Variants in CCBE1 observed in about 807,000 individuals in gnomAD.
CCBE1 encodes collagen and calcium binding EGF domains 1.
Under a neutral mutation model 50.0 loss-of-function variants are expected in CCBE1, and 37 were observed. The ratio of observed to expected loss-of-function variants is 0.74; its 90% confidence interval spans 0.57 to 0.97. The LOEUF is 0.97. CCBE1 is among the 50% of genes least tolerant of loss of function. The probability of loss-of-function intolerance (pLI) is 0.00; values close to 1 mark genes in which losing one functional copy is unlikely to be tolerated. For synonymous variants in CCBE1, 234 were observed against 203.7 expected (o/e 1.15, Z -1.27); for missense variants, 538 against 523.8 (o/e 1.03, Z -0.26).
chr18:59,526,722 T>C (rs1914837946), intron 2 of CCBE1, among the ~76,000 whole-genome samples: 2 of 152,202 alleles, frequency 1.3e-5, no homozygotes, highest in Non-Finnish European at 1.5e-5. Context: ...TTGTTCTCAT[T>C]GGTTTCAAAG....
At chr18:59,589,168 T>G (rs1250286287) in intron 2 of CCBE1, among the ~76,000 whole-genome samples, 1 of 152,164 alleles carries the variant, frequency 6.6e-6, no homozygotes, top group East Asian at 1.9e-4. Flanking sequence ...CTGGTCTCTA[T>G]CTCAGCCTTA....
intron 2 of CCBE1, among the ~76,000 whole-genome samples, chr18:59,608,969 C>T (rs1051495193): frequency 1.8e-4 from 27 of 152,234 alleles, no homozygotes; most frequent in African/African-American, 6.5e-4. Flanking sequence ...CACAGCTCTC[C>T]TGAAGGTCAC....
intron 2 of CCBE1, among the ~76,000 whole-genome samples, chr18:59,571,833 C>T (rs1431298145): frequency 6.6e-6 from 1 of 152,198 alleles, no homozygotes; most frequent in Non-Finnish European, 1.5e-5. Flanking sequence ...TGCAAGTTCT[C>T]AGGCCTCACC....
At chr18:59,639,824 C>G (rs1436518360) in intron 2 of CCBE1, among the ~76,000 whole-genome samples, 1 of 152,170 alleles carries the variant, frequency 6.6e-6, no homozygotes, top group Non-Finnish European at 1.5e-5. Context: ...GTATGAAAAT[C>G]AGTAGCGTTC....
chr18:59,511,623 T>C (rs1598965899), intron 2 of CCBE1, among the ~76,000 whole-genome samples: 1 of 152,270 alleles, frequency 6.6e-6, no homozygotes, highest in Non-Finnish European at 1.5e-5. Flanking sequence ...ATTCAAATTA[T>C]TCTGTTCTAG....
chr18:59,678,806 T>C (rs1442416083), intron 2 of CCBE1, among the ~76,000 whole-genome samples: 1 of 152,184 alleles, frequency 6.6e-6, no homozygotes, highest in Admixed American at 6.5e-5. Flanking sequence ...GTGCTGAGGT[T>C]ACAGGCATGA....
Position 59,573,377 on chromosome 18 carries a change from T to TCCTA in CCBE1, c.213-93143_213-93140dup, listed in dbSNP as rs1267326450. On this transcript the variant is annotated intron_variant, in intron 2 of 10. Coordinates refer to ENST00000439986, the MANE Select transcript of CCBE1 (RefSeq NM_133459.4). ...ACACTGAGGCTTACTGAGGAAAAAC[T>TCCTA]CCTACCTCCAGACGGCAACACAAAA... Among the ~76,000 whole-genome samples, 11 of 148,928 alleles carry TCCTA rather than the reference T, an allele frequency of 7.4e-5. No individual in the cohort carries two copies. The East Asian group carries it at 2.2e-3, about 30-fold the overall frequency.
In CCBE1 at chr18:59,652,691, G is replaced by GC. The variant is rs771835873; in HGVS notation, c.212+43937dup. On this transcript the variant is annotated intron_variant, in intron 2 of 10. Coordinates refer to ENST00000439986, the MANE Select transcript of CCBE1 (RefSeq NM_133459.4). ...CTAAAGAAAGGATTTTCGGCCGGGC[G>GC]CAGTGGCTCCCGCCTGTAATCCCAG... Among the ~76,000 whole-genome samples, 7 of 152,214 alleles carry GC rather than the reference G, an allele frequency of 4.6e-5. No homozygotes were observed. The East Asian group carries it at 5.8e-4, about 13-fold the overall frequency.
chr18:59,565,988 G>A (rs2052819763), intron 2 of CCBE1, among the ~76,000 whole-genome samples: 1 of 152,120 alleles, frequency 6.6e-6, no homozygotes. Flanking sequence ...TCTGACCTTG[G>A]AGACCCAAAA....
intron 2 of CCBE1, among the ~76,000 whole-genome samples, chr18:59,576,932 C>T (rs1318248658): frequency 6.6e-6 from 1 of 152,208 alleles, no homozygotes; most frequent in Non-Finnish European, 1.5e-5. Flanking sequence ...CTCCCTAATC[C>T]CTTCTCTCTC....
rs1277728125 is a variant in CCBE1 at position 59,439,722 on chromosome 18, T to C, written c.870A>G (p.Pro290=). 1 of 1,614,122 alleles carries C rather than the reference T, an allele frequency of 6.2e-7. No individual in the cohort carries two copies. The highest frequency in any genetic ancestry group is 1.7e-5 in the Admixed American group (1 of 60,014). ...GPRGSMGPMG[P]SPDLSHIKQG... ...GCTTAATGTGGGACAGATCAGGAGA[T>C]GGTCCCATGGGTCCCATTGAGCCCC... The change falls in exon 8 of 11, where the codon CCA becomes CCG. Residue 290 remains proline (P), a synonymous_variant. Coordinates refer to ENST00000439986, the MANE Select transcript of CCBE1 (RefSeq NM_133459.4).
intron 6 of CCBE1, among the ~76,000 whole-genome samples, chr18:59,454,630 TTAA>T (rs1365085545): frequency 6.6e-6 from 1 of 152,204 alleles, no homozygotes; most frequent in Non-Finnish European, 1.5e-5. Flanking sequence ...AGTGTCCATT[TTAA>T]TAATTGCCTC....
chr18:59,614,810 G>T (rs1275746092), intron 2 of CCBE1, among the ~76,000 whole-genome samples: 1 of 152,188 alleles, frequency 6.6e-6, no homozygotes, highest in African/African-American at 2.4e-5. Flanking sequence ...CTATTAAATG[G>T]GGTGACATGA....
chr18:59,614,133 G>C, intron 2 of CCBE1, among the ~76,000 whole-genome samples: 1 of 152,142 alleles, frequency 6.6e-6, no homozygotes, highest in Non-Finnish European at 1.5e-5. Context: ...AGCCTCCTGA[G>C]TAGCTGAGAT....
rs111749124 is a variant in CCBE1 at position 59,454,972 on chromosome 18, A to G, written c.554-21T>C. On this transcript the variant is annotated intron_variant, in intron 5 of 10. Coordinates refer to ENST00000439986, the MANE Select transcript of CCBE1 (RefSeq NM_133459.4). ...ATGGCCTGAGAAAGGAGATAGGCTC[A>G]GTCCTGTCTGGGAGGCTGGATGCAA... 96 of 1,593,002 alleles carry G rather than the reference A, an allele frequency of 6.0e-5. No homozygotes were observed. The African/African-American group carries it at 1.1e-3, about 18-fold the overall frequency.
rs553226830 is a variant in CCBE1 at position 59,434,870 on chromosome 18, T to A, written c.*1038A>T. Reference sequence around the variant, plus strand: ...CAAGGAGAAAAAATTTACCTACCGCTGCTGATGGCATTAGTGAGGTCAGCC... The same window carrying A: ...CAAGGAGAAAAAATTTACCTACCGCAGCTGATGGCATTAGTGAGGTCAGCC... On this transcript the variant is annotated 3_prime_UTR_variant, in exon 11 of 11. Transcript: ENST00000439986. 6.6e-6 allele frequency: 1 copy of A among 152,204 alleles called. No homozygotes were observed. Among genetic ancestry groups the A allele is most frequent in the Non-Finnish European group, 1.5e-5 (1 of 68,050 alleles). 9.4% of individuals were successfully genotyped at this position (152,204 alleles called of 1,614,324 possible). A position where few individuals can be genotyped will look rare whatever the true frequency, so the allele number is the denominator to read the frequency against.
intron 2 of CCBE1, among the ~76,000 whole-genome samples, chr18:59,573,278 C>A (rs1205781631): frequency 1.9e-5 from 1 of 53,650 alleles, no homozygotes; most frequent in African/African-American, 1.0e-4. Flanking sequence ...TAGTGAGACT[C>A]CGTCTAATAT....
chr18:59,637,850 T>C (rs925774008), intron 2 of CCBE1, among the ~76,000 whole-genome samples: 1 of 152,202 alleles, frequency 6.6e-6, no homozygotes, highest in Non-Finnish European at 1.5e-5. Context: ...ATTAAAAATC[T>C]TTTTACAAAA....
chr18:59,486,092 T>C (rs1360002504), intron 2 of CCBE1, among the ~76,000 whole-genome samples: 1 of 152,160 alleles, frequency 6.6e-6, no homozygotes, highest in Non-Finnish European at 1.5e-5. Flanking sequence ...TCCTTAATCT[T>C]GGCCTTGCTC....
Sources: gnomAD v4.1 joint callset for allele counts (sites outside exome capture counted in the v4.1 genomes callset) on GRCh38, gnomAD v4.1.1 for gene constraint, MANE v1.5 for transcripts, NCBI Gene and HGNC (gene_info 2026-07-23, HGNC 2026-07-21) for gene names.